The following APBB2 variants were observed in gnomAD, a reference collection of about 807,000 sequenced individuals.
APBB2 encodes the protein Fe65-like 1.
In APBB2, 38 loss-of-function variants were observed where a neutral mutation model predicts 82.5. That is an observed-to-expected ratio of 0.46 (90% CI 0.36 to 0.60). The LOEUF (loss-of-function observed/expected upper bound fraction) is 0.60. Among genes scored for constraint, APBB2 ranks in the 20% least tolerant of loss-of-function variants. The probability of loss-of-function intolerance (pLI) is 0.00; values close to 1 mark genes in which losing one functional copy is unlikely to be tolerated. For missense variants in APBB2, 772 were observed against 972.3 expected (o/e 0.79, Z 2.74); for synonymous variants, 341 against 368.2 (o/e 0.93, Z 0.85).
At chr4:40,908,309 G>T (rs1490890360) in intron 10 of APBB2, among the ~76,000 whole-genome samples, 1 of 152,126 alleles carries the variant, frequency 6.6e-6, no homozygotes, top group East Asian at 1.9e-4. Context: ...CCTCGTCTGT[G>T]GTATTTTGTT....
intron 10 of APBB2, among the ~76,000 whole-genome samples, chr4:40,908,761 G>T (rs1416444123): frequency 6.6e-6 from 1 of 152,192 alleles, no homozygotes; most frequent in Non-Finnish European, 1.5e-5. Context: ...TGGTCCCGAG[G>T]CTTCTCAGAA....
chr4:40,820,020 C>T (rs1747266922), intron 17 of APBB2, among the ~76,000 whole-genome samples: 1 of 152,166 alleles, frequency 6.6e-6, no homozygotes, highest in Admixed American at 6.6e-5. Context: ...ACTTTCTACA[C>T]TGTAACAGAG....
chr4:40,960,976 A>G (rs80260872), intron 6 of APBB2, among the ~76,000 whole-genome samples: 1 of 150,656 alleles, frequency 6.6e-6, no homozygotes, highest in South Asian at 2.1e-4. Context: ...AAAAAAAAAA[A>G]GCAGTCGGGC....
chr4:41,059,314 A>T (rs1398577296), intron 4 of APBB2, among the ~76,000 whole-genome samples: 1 of 152,264 alleles, frequency 6.6e-6, no homozygotes, highest in Non-Finnish European at 1.5e-5. Flanking sequence ...TACAAAAATT[A>T]GCCAGGCATG....
intron 6 of APBB2, among the ~76,000 whole-genome samples, chr4:40,986,851 A>C (rs770171275): frequency 1.3e-5 from 2 of 152,394 alleles, no homozygotes; most frequent in African/African-American, 4.8e-5. Context: ...AAAATTATTA[A>C]GATAAATTTA....
At chr4:40,867,597 G>C (rs1035607454) in intron 12 of APBB2, among the ~76,000 whole-genome samples, 1 of 152,126 alleles carries the variant, frequency 6.6e-6, no homozygotes, top group Non-Finnish European at 1.5e-5. Flanking sequence ...GGTGAGTGAA[G>C]ATCAACTTGA....
chr4:40,928,851 C>T (rs1245100669), intron 10 of APBB2, among the ~76,000 whole-genome samples: 7 of 151,412 alleles, frequency 4.6e-5, no homozygotes, highest in African/African-American at 1.5e-4. Context: ...CACCACTGCA[C>T]TCCAGCCTGG....
rs903836872 is a variant in APBB2, at chr4:40,810,901, A to C, written c.*5191T>G. On this transcript the variant is annotated 3_prime_UTR_variant, in exon 18 of 18. Transcript: ENST00000508593. The stretch of plus-strand genomic sequence containing the variant: ...AGTAAAGAATCCCATTGTGTATCAT[A>C]AGAATCCCTTATCCTTTTCGGGCCC... The C allele has an allele frequency of 6.6e-6, 1 of 152,222 alleles. No homozygotes were observed. The highest frequency in any genetic ancestry group is 1.5e-5 in the Non-Finnish European group (1 of 68,044). The allele number at this position is 152,222 out of a possible 1,614,324, so 9.4% of individuals were successfully genotyped here.
chr4:40,929,005 TAAAATCAGAATACAGTGTTTATTA>T (rs1248579889), intron 10 of APBB2, among the ~76,000 whole-genome samples: 3 of 150,060 alleles, frequency 2.0e-5, no homozygotes, highest in East Asian at 1.9e-4. Flanking sequence ...GAAAAACTGG[TAAAATCAGAATACAGTGTTTATTA>T]AAAATCAGAA....
At chr4:40,869,436 T>A (rs1004217093) in intron 12 of APBB2, among the ~76,000 whole-genome samples, 6 of 151,484 alleles carry the variant, frequency 4.0e-5, no homozygotes, top group Non-Finnish European at 7.4e-5. Flanking sequence ...TTTTTTTTTT[T>A]AATTAACTGG....
At chr4:40,894,954 C>T (rs1773256483) in intron 10 of APBB2, among the ~76,000 whole-genome samples, 1 of 152,154 alleles carries the variant, frequency 6.6e-6, no homozygotes, top group African/African-American at 2.4e-5. Context: ...CCACCTTCCC[C>T]AGATAGGAAA....
At chr4:41,060,927 T>C (rs1290664144) in intron 4 of APBB2, among the ~76,000 whole-genome samples, 1 of 152,138 alleles carries the variant, frequency 6.6e-6, no homozygotes, top group Non-Finnish European at 1.5e-5. Flanking sequence ...ATAACGATCA[T>C]TCATCATGAG....
intron 17 of APBB2, among the ~76,000 whole-genome samples, chr4:40,819,861 G>C (rs1230771785): frequency 6.6e-6 from 1 of 152,038 alleles, no homozygotes; most frequent in African/African-American, 2.4e-5. Flanking sequence ...CACCCAGGCT[G>C]GACTACAGTG....
intron 12 of APBB2, chr4:40,856,916 G>T (rs962641128): frequency 1.0e-6 from 1 of 979,400 alleles, no homozygotes; most frequent in Non-Finnish European, 1.2e-6. Flanking sequence ...TGTCCCGCAG[G>T]TCTCCCGCGC....
intron 6 of APBB2, among the ~76,000 whole-genome samples, chr4:40,977,699 A>G (rs1022062042): frequency 6.6e-6 from 1 of 152,218 alleles, no homozygotes; most frequent in African/African-American, 2.4e-5. Context: ...ACACACATAT[A>G]AAACACATGG....
intron 1 of APBB2, among the ~76,000 whole-genome samples, chr4:41,157,597 T>A (rs1560905809): frequency 6.6e-6 from 1 of 152,188 alleles, no homozygotes; most frequent in Non-Finnish European, 1.5e-5. Flanking sequence ...GCATGGATCT[T>A]CCTGAAATCC....
At chr4:41,023,255 G>A (rs2154434438) in intron 5 of APBB2, among the ~76,000 whole-genome samples, 1 of 152,352 alleles carries the variant, frequency 6.6e-6, no homozygotes, top group Admixed American at 6.5e-5. Flanking sequence ...GGGGGCATGA[G>A]TTAGCAGTTC....
At chr4:40,919,609 C>T (rs1032329014) in intron 10 of APBB2, among the ~76,000 whole-genome samples, 4 of 152,196 alleles carry the variant, frequency 2.6e-5, no homozygotes, top group Non-Finnish European at 5.9e-5. Flanking sequence ...TGGGACTGGG[C>T]TAAGCCCCAC....
chr4:41,002,791 C>T (rs1443266330), intron 6 of APBB2, among the ~76,000 whole-genome samples: 1 of 152,152 alleles, frequency 6.6e-6, no homozygotes, highest in Non-Finnish European at 1.5e-5. Context: ...TGAGTTTGTG[C>T]GTTCTTCAGT....
Sources: allele counts gnomAD v4.1 joint callset (sites outside exome capture counted in the v4.1 genomes callset), GRCh38; gene constraint gnomAD v4.1.1; transcripts MANE v1.5; gene names NCBI Gene and HGNC (gene_info 2026-07-23, HGNC 2026-07-21).